The following GNB5 variants were observed in gnomAD, a reference collection of about 807,000 sequenced individuals.
GNB5 encodes G protein subunit beta 5.
GNB5 carries 37 observed loss-of-function variants against 55.3 expected under a neutral mutation model. The ratio of observed to expected loss-of-function variants is 0.67; its 90% CI spans 0.51 to 0.88. The LOEUF (loss-of-function observed/expected upper bound fraction) is 0.88, where lower values mean the gene tolerates loss of function less well. Among genes scored for constraint, GNB5 ranks in the 40% least tolerant of loss-of-function variants. The pLI is 0.00. For synonymous variants in GNB5, 219 were observed against 198.5 expected, an observed-to-expected ratio of 1.10 and a Z score of -0.87; for missense variants, 476 against 515.3, an observed-to-expected ratio of 0.92 and a Z score of 0.74.
At chr15:52,175,755 A>AACAT (rs1352029598) in intron 3 of GNB5, among the ~76,000 whole-genome samples, 1 of 149,858 alleles carries the variant, frequency 6.7e-6, no homozygotes, top group Non-Finnish European at 1.5e-5. Flanking sequence ...CAAACAAACA[A>AACAT]ACAAACAAAA....
At chr15:52,123,579 G>A (rs916438518) in intron 12 of GNB5, 1 of 143,484 alleles carries the variant, frequency 7.0e-6, no homozygotes, top group African/African-American at 2.6e-5. Flanking sequence ...GTCTTGCTCT[G>A]TTGCCCAGCC....
At chr15:52,156,543 G>GC (rs1566943031) in intron 3 of GNB5, among the ~76,000 whole-genome samples, 2 of 152,160 alleles carry the variant, frequency 1.3e-5, no homozygotes, top group African/African-American at 4.8e-5. Flanking sequence ...ATCAGCCTGG[G>GC]CAACATGGTG....
At chr15:52,141,037 C>A in intron 7 of GNB5, 103 bp downstream of exon 7, 1 of 899,286 alleles carries the variant, frequency 1.1e-6, no homozygotes, top group South Asian at 1.5e-5. Context: ...ACTACTGGAG[C>A]ACAGCCATCT....
Position 52,126,035 on chromosome 15 carries a change from A to G in GNB5, c.922T>C (p.Tyr308His). ...ACCTCCCTATCTGCCCGCAGGTCAT[A>G]GAGGCGACACTGGGGAGCAAATAAA... is the stretch of plus-strand genomic sequence containing the variant. ...SGSDDATCRL[Y>H]DLRADREVAI... Residue 308 changes from tyrosine (Y) to histidine (H), a missense_variant, in exon 11 of 13, where the codon TAT becomes CAT. Coordinates refer to ENST00000261837, the MANE Select transcript of GNB5 (RefSeq NM_016194.4). 1.3e-6 allele frequency: 2 copies of G among 1,547,176 alleles called. No individual in the cohort carries two copies. Among genetic ancestry groups the G allele is most frequent in the Non-Finnish European group, 1.8e-6 (2 of 1,122,486 alleles).
In GNB5 at chr15:52,128,201, C is replaced by A. The variant is rs368053006; in HGVS notation, c.907G>T (p.Ala303Ser). Reference protein sequence around the residue: ...GDAFASGSDDATCRLYDLRAD... With the variant: ...GDAFASGSDDSTCRLYDLRAD... Reference sequence around the variant, plus strand: ...TCAAAAACTTAGAAACATACCGTAGCGTCATCTGACCCTGAAGCAAAGGCA... The same window carrying A: ...TCAAAAACTTAGAAACATACCGTAGAGTCATCTGACCCTGAAGCAAAGGCA... Residue 303 changes from alanine (A) to serine (S), a missense_variant, in exon 10 of 13, where the codon GCT becomes TCT. Transcript: ENST00000261837. 1 of 1,604,902 alleles carries A rather than the reference C, an allele frequency of 6.2e-7. No homozygotes were observed. The highest frequency in any genetic ancestry group is 8.5e-7 in the Non-Finnish European group (1 of 1,171,652).
In GNB5 at chr15:52,189,176, G is replaced by A. The variant is rs574505632; in HGVS notation, c.-19+2146C>T. Among the ~76,000 whole-genome samples, 317 of 152,340 alleles carry A rather than the reference G, an allele frequency of 2.1e-3. 2 individuals carry two copies. Among genetic ancestry groups the A allele is most frequent in the African/African-American group, 7.3e-3 (305 of 41,576 alleles). On this transcript the variant is annotated intron_variant, in intron 1 of 12. Transcript: ENST00000261837. ...TACATTGCTGGTGGGAAGGTAAAGT[G>A]GGGTAGCCGTTTTCCAATGGTGCAG...
At chr15:52,149,818 C>T in intron 5 of GNB5, 66 bp downstream of exon 5, 1 of 1,201,060 alleles carries the variant, frequency 8.3e-7, no homozygotes, top group Non-Finnish European at 1.2e-6. Flanking sequence ...GGCAGCTGGA[C>T]CAGAGCACCT....
intron 3 of GNB5, among the ~76,000 whole-genome samples, chr15:52,165,739 C>CAAA (rs34798808): frequency 6.6e-6 from 1 of 150,720 alleles, no homozygotes; most frequent in Non-Finnish European, 1.5e-5. Flanking sequence ...CAGCTACTAC[C>CAAA]AAAAAAAAAC....
At chr15:52,169,491 T>G (rs1167057594) in intron 3 of GNB5, among the ~76,000 whole-genome samples, 4 of 119,494 alleles carry the variant, frequency 3.3e-5, no homozygotes, top group Non-Finnish European at 6.3e-5. Flanking sequence ...TGAGCAGAGA[T>G]CACGCCATTG....
intron 3 of GNB5, among the ~76,000 whole-genome samples, chr15:52,175,353 G>A (rs893751182): frequency 1.3e-5 from 2 of 152,194 alleles, no homozygotes; most frequent in Non-Finnish European, 2.9e-5. Context: ...ACCATCCTTG[G>A]ATTCCAAAAT....
At chr15:52,165,554 T>G (rs1718862400) in intron 3 of GNB5, among the ~76,000 whole-genome samples, 1 of 152,138 alleles carries the variant, frequency 6.6e-6, no homozygotes, top group South Asian at 2.1e-4. Flanking sequence ...TCAACATTCT[T>G]AAGGAAAAGA....
rs572075197 is a variant in GNB5, at chr15:52,191,312, A to C, written c.-19+10T>G. 6.6e-6 allele frequency: 1 copy of C among 152,328 alleles called. No individual in the cohort carries two copies. The highest frequency in any genetic ancestry group is 2.1e-4 in the South Asian group (1 of 4,830). 9.4% of individuals were successfully genotyped at this position (152,328 alleles called of 1,614,324 possible). A position where few individuals can be genotyped will look rare whatever the true frequency, so the allele number is the denominator to read the frequency against. ...TGGAGTATTTTAACCGAATGTCAGC[A>C]TGCACATACCTTCCAGAGTCAGCAC... On this transcript the variant is annotated intron_variant, in intron 1 of 12. Transcript: ENST00000261837.
chr15:52,141,005 T>C (rs2033839343), intron 7 of GNB5, 135 bp downstream of exon 7: 1 of 659,812 alleles, frequency 1.5e-6, no homozygotes, highest in South Asian at 2.0e-5. Flanking sequence ...TGAGAAACAA[T>C]AGGAGCTTCC....
intron 3 of GNB5, among the ~76,000 whole-genome samples, chr15:52,173,953 G>A (rs979062710): frequency 6.6e-6 from 1 of 152,154 alleles, no homozygotes; most frequent in Non-Finnish European, 1.5e-5. Context: ...AACCAGTGGC[G>A]ATACTATCTT....
chr15:52,167,531 C>T (rs1441744070), intron 3 of GNB5, among the ~76,000 whole-genome samples: 5 of 151,862 alleles, frequency 3.3e-5, no homozygotes, highest in African/African-American at 9.7e-5. Flanking sequence ...ATTAGCCGGG[C>T]GTGGTGGCAG....
At chr15:52,161,965 A>C (rs1021994948) in intron 3 of GNB5, among the ~76,000 whole-genome samples, 1 of 152,214 alleles carries the variant, frequency 6.6e-6, no homozygotes, top group Non-Finnish European at 1.5e-5. Context: ...AAACAGATGA[A>C]GGCAGAGCTG....
rs1325888181 is a variant in GNB5 at position 52,136,169 on chromosome 15, CACA to C, written c.628-416_628-414del. On this transcript the variant is annotated intron_variant, in intron 7 of 12. Transcript: ENST00000261837. ...ACACACACACACACACACACACACA[CACA>C]CCCTACCTGCTGTATCTGGGTTCAT... Among the ~76,000 whole-genome samples, 676 of 120,986 alleles carry C rather than the reference CACA, an allele frequency of 5.6e-3. 8 individuals carry two copies. The highest frequency in any genetic ancestry group is 6.8e-3 in the Non-Finnish European group (378 of 55,792). The allele number at this position is 120,986 out of a possible 152,430, so 79.4% of individuals were successfully genotyped here. A position where few individuals can be genotyped will look rare whatever the true frequency, so the allele number is the denominator to read the frequency against.
rs1049561555 is a variant in GNB5, at chr15:52,121,729, G to A, written c.*1028C>T. The A allele has an allele frequency of 1.3e-5, 2 of 151,166 alleles. No individual in the cohort carries two copies. Among genetic ancestry groups the A allele is most frequent in the African/African-American group, 2.4e-5 (1 of 41,060 alleles). 9.4% of individuals were successfully genotyped at this position (151,166 alleles called of 1,614,324 possible). On this transcript the variant is annotated 3_prime_UTR_variant, in exon 13 of 13. Transcript: ENST00000261837. ...GCCATTCTCCTGCCTCAGCCTCTCC[G>A]AGTAGCTGGGACTACAGGCGCCCGC...
chr15:52,191,241 C>T (rs1247345328), intron 1 of GNB5, 81 bp downstream of exon 1: 1 of 152,252 alleles, frequency 6.6e-6, no homozygotes, highest in South Asian at 2.1e-4. Context: ...CCTGCTAACA[C>T]TGTGCCCTGT....
Sources: allele counts gnomAD v4.1 joint callset (sites outside exome capture counted in the v4.1 genomes callset), GRCh38; gene constraint gnomAD v4.1.1; transcripts MANE v1.5; gene names NCBI Gene and HGNC (gene_info 2026-07-23, HGNC 2026-07-21).